STIL: variants seen among roughly 807,000 people sequenced by gnomAD.
STIL encodes SCL-interrupting locus protein.
In STIL, 55 loss-of-function variants were observed where a neutral mutation model predicts 110.1. That is an observed-to-expected ratio of 0.50 (90% CI 0.40 to 0.63). The LOEUF is 0.63. Ranked by LOEUF, STIL falls within the 20% of genes least tolerant of loss-of-function variation. STIL has a pLI of 0.00. For missense variants in STIL, 1,358 were observed against 1,530.0 expected (o/e 0.89, Z 1.87); for synonymous variants, 481 against 530.0 (o/e 0.91, Z 1.27).
chr1:47,258,161 CAA>C (rs1282288172), intron 16 of STIL, among the ~76,000 whole-genome samples: 3 of 152,116 alleles, frequency 2.0e-5, no homozygotes, highest in African/African-American at 7.2e-5. Flanking sequence ...TCAGTTCTGA[CAA>C]GAGGGGAAGG....
At chr1:47,262,233 C>T (rs1392199525) in intron 15 of STIL, among the ~76,000 whole-genome samples, 2 of 152,182 alleles carry the variant, frequency 1.3e-5, no homozygotes, top group Admixed American at 1.3e-4. Context: ...TGCCTTCTCG[C>T]AAATGGACAA....
At chr1:47,288,237 T>A (rs1214616060) in intron 9 of STIL, among the ~76,000 whole-genome samples, 2 of 151,850 alleles carry the variant, frequency 1.3e-5, no homozygotes, top group African/African-American at 4.8e-5. Flanking sequence ...AACCAATAAT[T>A]TTATTGAAAA....
intron 12 of STIL, among the ~76,000 whole-genome samples, chr1:47,276,856 G>C (rs1402537068): frequency 7.0e-6 from 1 of 143,856 alleles, no homozygotes; most frequent in African/African-American, 2.6e-5. Flanking sequence ...TCTAAGACTG[G>C]TAATAATTTA....
At chr1:47,269,044 T>C (rs1011707686) in intron 14 of STIL, among the ~76,000 whole-genome samples, 6 of 150,766 alleles carry the variant, frequency 4.0e-5, no homozygotes, top group South Asian at 2.1e-4. Flanking sequence ...TGAGCCGAGA[T>C]TGCACCACTG....
chr1:47,265,429 T>G (rs1439679440), intron 14 of STIL, among the ~76,000 whole-genome samples: 1 of 151,960 alleles, frequency 6.6e-6, no homozygotes, highest in Non-Finnish European at 1.5e-5. Context: ...ACTTTGGGGC[T>G]CACCCCATGG....
intron 6 of STIL, among the ~76,000 whole-genome samples, chr1:47,298,337 T>C (rs894167663): frequency 3.3e-5 from 5 of 152,010 alleles, no homozygotes. Context: ...ATAAAGAAAA[T>C]AGATGAAGAT....
chr1:47,284,026 G>A (rs990467290), intron 10 of STIL: 3 of 152,134 alleles, frequency 2.0e-5, no homozygotes, highest in Non-Finnish European at 4.4e-5. Flanking sequence ...AGCGTCCGAG[G>A]AGCTCAGACT....
intron 8 of STIL, among the ~76,000 whole-genome samples, chr1:47,292,036 T>G (rs1487654222): frequency 3.3e-5 from 5 of 151,116 alleles, no homozygotes; most frequent in African/African-American, 4.9e-5. Flanking sequence ...TTTGTTTTTT[T>G]TTTTTGTTAG....
At chr1:47,295,984 C>A (rs759249229) in intron 6 of STIL, 136 bp from the exon 7 acceptor site, 5 of 664,426 alleles carry the variant, frequency 7.5e-6, no homozygotes, top group Non-Finnish European at 1.3e-5. Flanking sequence ...ACAAAAGAAA[C>A]AGAAACTTTT....
intron 6 of STIL, chr1:47,299,681 C>T (rs1645746345): frequency 2.1e-6 from 1 of 475,340 alleles, no homozygotes; most frequent in South Asian, 2.0e-5. Context: ...GTGTGAGCCA[C>T]TGCGCCAGGC....
intron 2 of STIL, among the ~76,000 whole-genome samples, chr1:47,309,229 T>C (rs915608208): frequency 2.0e-5 from 3 of 151,932 alleles, no homozygotes; most frequent in African/African-American, 7.3e-5. Flanking sequence ...CCCACAAAAA[T>C]TTAAATTTTT....
At chr1:47,261,593 A>C (rs1165006718) in intron 15 of STIL, among the ~76,000 whole-genome samples, 1 of 151,844 alleles carries the variant, frequency 6.6e-6, no homozygotes, top group African/African-American at 2.4e-5. Context: ...TACAAAAATT[A>C]GCCGGGTGTG....
At chr1:47,270,237 A>ATAT (rs1553172317) in intron 13 of STIL, among the ~76,000 whole-genome samples, 29 of 103,216 alleles carry the variant, frequency 2.8e-4, no homozygotes, top group African/African-American at 9.7e-4. Context: ...CAAAAAAAAA[A>ATAT]AAAAATATAT....
chr1:47,311,121 C>T (rs542349542), intron 1 of STIL, among the ~76,000 whole-genome samples: 34 of 152,248 alleles, frequency 2.2e-4, no homozygotes, highest in African/African-American at 7.7e-4. Context: ...GCTAGGATTA[C>T]AGGTGTGAGC....
In STIL at chr1:47,280,940, T is replaced by C. The variant is rs1418341229; in HGVS notation, c.1518A>G (p.Arg506=). Residue 506 remains arginine, a synonymous_variant, in exon 12 of 17, where the codon AGA becomes AGG. Coordinates refer to ENST00000371877, the MANE Select transcript of STIL (RefSeq NM_001048166.1). ...TCCCTTTCTTATAGGCAGGTGGCTG[T>C]CTTACTTTGCAGTGTCTCAAAAGAG... ...KPALLRHCKV[R]QPPAYKKGNP... The C allele has an allele frequency of 6.2e-7, 1 of 1,614,098 alleles. No individual in the cohort carries two copies. Among genetic ancestry groups the C allele is most frequent in the Non-Finnish European group, 8.5e-7 (1 of 1,180,006 alleles).
intron 14 of STIL, among the ~76,000 whole-genome samples, chr1:47,267,320 C>A (rs1354365431): frequency 1.3e-5 from 2 of 152,114 alleles, no homozygotes; most frequent in African/African-American, 4.8e-5. Flanking sequence ...TTTGCCTAAC[C>A]TAGTATTTGA....
At chr1:47,279,147 A>C (rs1334788892) in intron 12 of STIL, among the ~76,000 whole-genome samples, 2 of 151,928 alleles carry the variant, frequency 1.3e-5, no homozygotes, top group Non-Finnish European at 2.9e-5. Flanking sequence ...AAAATACAAA[A>C]AATTAGCCGG....
Position 47,304,951 on chromosome 1 carries a change from T to C in STIL, c.90A>G (p.Lys30=). Residue 30 remains lysine (K), a synonymous_variant, in exon 3 of 17, where the codon AAA becomes AAG. Transcript: ENST00000371877. ...TTGGCGTTGGGTTCCAAAGTGCACA[T>C]TTTGATGGAGGAAAGTGGAAAGGTA... is the stretch of plus-strand genomic sequence containing the variant. ...RMVPFHFPPS[K]CALWNPTPTG... 1 of 1,614,038 alleles carries C rather than the reference T, an allele frequency of 6.2e-7. No homozygotes were observed. The highest frequency in any genetic ancestry group is 1.7e-4 in the Middle Eastern group (1 of 6,060).
chr1:47,280,575 G>C lies in STIL; in HGVS notation c.1883C>G (p.Ser628Cys). 6.2e-7 allele frequency: 1 copy of C among 1,614,226 alleles called. No homozygotes were observed. Residue 628 changes from serine to cysteine, a missense_variant, in exon 12 of 17, where the codon TCC (serine) becomes TGC (cysteine). By Grantham distance (112) the Ser-to-Cys change is moderately radical (BLOSUM62 -1). Coordinates refer to ENST00000371877, the MANE Select transcript of STIL (RefSeq NM_001048166.1). Reference sequence around the variant, plus strand: ...GGCTTCAGACTGGACATCTTGAATGGATCCAACTGTGTTTGCTCCTTGCCA... The same window carrying C: ...GGCTTCAGACTGGACATCTTGAATGCATCCAACTGTGTTTGCTCCTTGCCA... ...NSWQGANTVGSIQDVQSEALQ... is the reference protein window; with the variant it reads ...NSWQGANTVGCIQDVQSEALQ...
Sources: allele counts gnomAD v4.1 joint callset (sites outside exome capture counted in the v4.1 genomes callset), GRCh38; gene constraint gnomAD v4.1.1; transcripts MANE v1.5; gene names NCBI Gene and HGNC (gene_info 2026-07-23, HGNC 2026-07-21).